Variants in METTL21A observed in about 807,000 individuals in gnomAD.
METTL21A encodes the protein protein N-lysine methyltransferase METTL21A.
METTL21A carries 22 observed loss-of-function variants against 20.9 expected under a neutral mutation model. The ratio of observed to expected loss-of-function variants is 1.05; its 90% CI spans 0.75 to 1.50. METTL21A has a LOEUF of 1.50. Ranked by LOEUF, METTL21A falls within the 40% of genes most tolerant of loss-of-function variation. The probability of loss-of-function intolerance (pLI) is 0.00; values close to 1 mark genes in which losing one functional copy is unlikely to be tolerated. For synonymous variants in METTL21A, 93 were observed against 102.0 expected (o/e 0.91, Z 0.53); for missense variants, 271 against 266.8 (o/e 1.02, Z -0.11).
upstream of METTL21A, chr2:207,625,625 G>A (rs2091025189): frequency 6.6e-6 from 1 of 152,324 alleles, no homozygotes; most frequent in South Asian, 2.1e-4. Context: ...GGGTGCACAG[G>A]GAGAGCATGG....
intron 3 of METTL21A, chr2:207,601,408 C>A (rs1051866645): frequency 6.9e-5 from 13 of 187,652 alleles, no homozygotes; most frequent in African/African-American, 3.0e-4. Flanking sequence ...CACCTAAAAG[C>A]TAGCCTTAAA....
At chr2:207,582,067 G>C (rs2083035401) in exon 4 of METTL21A, 1 of 700,792 alleles carries the variant, frequency 1.4e-6, no homozygotes, top group Non-Finnish European at 2.6e-6. Context: ...TTGATCACTT[G>C]GTTAAAGTGC....
chr2:207,585,789 G>T (rs979292180), intron 3 of METTL21A, among the ~76,000 whole-genome samples: 1 of 152,152 alleles, frequency 6.6e-6, no homozygotes, highest in African/African-American at 2.4e-5. Context: ...CGAGCAGAAA[G>T]AATTTCTGAA....
intron 3 of METTL21A, chr2:207,598,261 T>C (rs2086493621): frequency 5.4e-6 from 1 of 183,752 alleles, no homozygotes; most frequent in African/African-American, 2.3e-5. Flanking sequence ...TGTACTGCAA[T>C]ATTTGGATTG....
intron 3 of METTL21A, chr2:207,597,324 G>T (rs762266836): frequency 2.8e-5 from 10 of 357,494 alleles, no homozygotes; most frequent in African/African-American, 8.5e-5. Context: ...CCCTCCTCAA[G>T]AAGTAATAAT....
downstream of METTL21A, among the ~76,000 whole-genome samples, chr2:207,608,770 C>A (rs560152847): frequency 6.6e-6 from 1 of 152,234 alleles, no homozygotes; most frequent in East Asian, 1.9e-4. Context: ...ATTAAAAATA[C>A]AAAAAATTAG....
chr2:207,621,348 A>T (rs957197785), intron 3 of METTL21A, among the ~76,000 whole-genome samples: 1 of 152,248 alleles, frequency 6.6e-6, no homozygotes, highest in African/African-American at 2.4e-5. Flanking sequence ...AGCCCTCCCT[A>T]CAAGAGAAAA....
At chr2:207,584,184 T>C (rs1236864666) in intron 3 of METTL21A, among the ~76,000 whole-genome samples, 1 of 152,234 alleles carries the variant, frequency 6.6e-6, no homozygotes, top group Non-Finnish European at 1.5e-5. Flanking sequence ...GTAGGCTGGT[T>C]GCATGAAATG....
chr2:207,596,584 C>A (rs1394058925), intron 3 of METTL21A, among the ~76,000 whole-genome samples: 1 of 152,186 alleles, frequency 6.6e-6, no homozygotes, highest in African/African-American at 2.4e-5. Context: ...CAGGCATGTG[C>A]CGCCACACCC....
chr2:207,603,748 C>A (rs2551929), intron 3 of METTL21A, among the ~76,000 whole-genome samples: 128,441 of 152,148 alleles, frequency 0.84, 54,408 homozygotes, highest in East Asian at 1. Context: ...GACAATAAGA[C>A]TATATACCTT....
chr2:207,602,370 G>A (rs2087216043), intron 3 of METTL21A: 1 of 202,374 alleles, frequency 4.9e-6, no homozygotes, highest in African/African-American at 2.3e-5. Context: ...TCCCAGCTGG[G>A]TATGACATGA....
intron 3 of METTL21A, chr2:207,582,882 CT>C: frequency 3.2e-6 from 1 of 307,754 alleles, no homozygotes; most frequent in Non-Finnish European, 6.5e-6. Flanking sequence ...CAGAGTGAGA[CT>C]CTGTCTCAAA....
intron 2 of METTL21A, among the ~76,000 whole-genome samples, chr2:207,622,161 A>ATTTTTT (rs11326646): frequency 8.2e-6 from 1 of 122,324 alleles, no homozygotes; most frequent in African/African-American, 3.1e-5. Context: ...GGAAAGCTTA[A>ATTTTTT]TTTTTTTTTT....
chr2:207,602,911 AT>A (rs2106636885), intron 3 of METTL21A: 1 of 216,554 alleles, frequency 4.6e-6, no homozygotes, highest in African/African-American at 2.2e-5. Flanking sequence ...AAAAGGAATT[AT>A]TTCTAACCCA....
At chr2:207,613,342 TAAC>T in exon 4 of METTL21A, 1 of 1,614,030 alleles carries the variant, frequency 6.2e-7, no homozygotes, top group African/African-American at 1.3e-5. Flanking sequence ...GTCAGCTCCT[TAAC>T]AACAGTTTTA....
At chr2:207,618,124 A>G (rs574594665) in intron 3 of METTL21A, among the ~76,000 whole-genome samples, 1 of 152,320 alleles carries the variant, frequency 6.6e-6, no homozygotes, top group South Asian at 2.1e-4. Context: ...CCTCAGCATT[A>G]TATTTCAAGA....
intron 2 of METTL21A, among the ~76,000 whole-genome samples, chr2:207,622,676 C>A (rs1329007399): frequency 6.6e-6 from 1 of 152,214 alleles, no homozygotes; most frequent in Non-Finnish European, 1.5e-5. Flanking sequence ...TGGTCATCGC[C>A]CCACAGGGGC....
chr2:207,598,833 A>T (rs2086599813), intron 3 of METTL21A: 1 of 123,108 alleles, frequency 8.1e-6, no homozygotes, highest in East Asian at 1.4e-4. Context: ...GGGCGACTCC[A>T]TCTCAAAAAA....
chr2:207,584,236 T>A (rs1408836063), intron 3 of METTL21A, among the ~76,000 whole-genome samples: 2 of 152,188 alleles, frequency 1.3e-5, no homozygotes, highest in Admixed American at 1.3e-4. Context: ...ACTGTCCAAT[T>A]GTTTTCCAAA....
Sources: gnomAD v4.1 joint callset for allele counts (sites outside exome capture counted in the v4.1 genomes callset) on GRCh38, gnomAD v4.1.1 for gene constraint, MANE v1.5 for transcripts, NCBI Gene and HGNC (gene_info 2026-07-23, HGNC 2026-07-21) for gene names.